Variants in RESF1 observed in about 807,000 individuals in gnomAD.
The protein encoded by RESF1 is gonad expressed transcript.
Under a neutral mutation model 134.7 loss-of-function variants are expected in RESF1, and 65 were observed. The observed-to-expected ratio is 0.48, with a 90% confidence interval of 0.40 to 0.59. The LOEUF (loss-of-function observed/expected upper bound fraction) is 0.59, where lower values mean the gene tolerates loss of function less well. Among genes scored for constraint, RESF1 ranks in the 20% least tolerant of loss-of-function variants. The probability of loss-of-function intolerance (pLI) is 0.00; values close to 1 mark genes in which losing one functional copy is unlikely to be tolerated. For synonymous variants in RESF1, 762 were observed against 702.2 expected (o/e 1.09, Z -1.35); for missense variants, 2,274 against 2,002.7 (o/e 1.14, Z -2.59).
chr12:31,974,665 G>A (rs898173733), intron 3 of RESF1, among the ~76,000 whole-genome samples: 1 of 152,078 alleles, frequency 6.6e-6, no homozygotes, highest in Admixed American at 6.6e-5. Flanking sequence ...GAGGGTCAGG[G>A]CTTTCACTTA....
intron 3 of RESF1, among the ~76,000 whole-genome samples, chr12:31,979,883 A>T (rs1271669145): frequency 6.6e-6 from 1 of 151,252 alleles, no homozygotes; most frequent in Non-Finnish European, 1.5e-5. Flanking sequence ...TCCAATCTCC[A>T]GCTCCCCCCA....
chr12:31,978,822 A>C (rs1456565134), intron 3 of RESF1, among the ~76,000 whole-genome samples: 1 of 150,970 alleles, frequency 6.6e-6, no homozygotes, highest in Admixed American at 6.6e-5. Flanking sequence ...CAGCCTCCCA[A>C]AGTGCTGCGA....
At chr12:31,962,969 C>A (rs1363294399) in intron 2 of RESF1, among the ~76,000 whole-genome samples, 1 of 152,050 alleles carries the variant, frequency 6.6e-6, no homozygotes, top group Non-Finnish European at 1.5e-5. Context: ...CGTGGTGGCA[C>A]ATGCCTGAAA....
chr12:31,988,326 A>G (rs1292379176), intron 5 of RESF1, among the ~76,000 whole-genome samples: 2 of 152,212 alleles, frequency 1.3e-5, no homozygotes, highest in Non-Finnish European at 2.9e-5. Context: ...CTGTGGATCC[A>G]AAATATTTGG....
At chr12:31,969,408 G>T (rs902078588) in intron 2 of RESF1, among the ~76,000 whole-genome samples, 1 of 152,196 alleles carries the variant, frequency 6.6e-6, no homozygotes, top group Non-Finnish European at 1.5e-5. Context: ...GGAAGCTGTG[G>T]TGAGAGAATT....
intron 4 of RESF1, among the ~76,000 whole-genome samples, chr12:31,986,545 A>G (rs893907182): frequency 1.3e-5 from 2 of 152,236 alleles, no homozygotes; most frequent in African/African-American, 2.4e-5. Flanking sequence ...AGTATTGTCC[A>G]GTGTTATAAT....
At chr12:31,969,555 C>T (rs926835740) in intron 2 of RESF1, among the ~76,000 whole-genome samples, 1 of 152,150 alleles carries the variant, frequency 6.6e-6, no homozygotes, top group Admixed American at 6.5e-5. Context: ...CTTCCATATT[C>T]TATTTCTTGC....
chr12:31,978,473 T>G (rs1470028811), intron 3 of RESF1, among the ~76,000 whole-genome samples: 1 of 152,164 alleles, frequency 6.6e-6, no homozygotes, highest in Non-Finnish European at 1.5e-5. Context: ...TTAATTGTTT[T>G]AGCTACCATT....
rs1297538708 is a variant in RESF1, at chr12:31,982,591, G to C, written c.1636G>C (p.Glu546Gln). ...QAVLNTQLSS[E>Q]NVTKVEQNSP... ...AGTATTGAATACTCAGCTTTCATCAGAAAATGTTACCAAAGTTGAGCAAAA... is the reference window on the plus strand; with the variant it reads ...AGTATTGAATACTCAGCTTTCATCACAAAATGTTACCAAAGTTGAGCAAAA... Residue 546 changes from glutamate (E) to glutamine (Q), a missense_variant, in exon 4 of 6, where the codon GAA becomes CAA. Coordinates refer to ENST00000312561, the MANE Select transcript of RESF1 (RefSeq NM_018169.4). 1 of 1,613,950 alleles carries C rather than the reference G, an allele frequency of 6.2e-7. No individual in the cohort carries two copies. The highest frequency in any genetic ancestry group is 1.7e-5 in the Admixed American group (1 of 60,016).
intron 3 of RESF1, among the ~76,000 whole-genome samples, chr12:31,978,096 G>A (rs1028552400): frequency 8.6e-5 from 13 of 151,986 alleles, no homozygotes; most frequent in African/African-American, 2.4e-4. Context: ...GAGCCACTGC[G>A]CTTGACCTAA....
intron 3 of RESF1, among the ~76,000 whole-genome samples, chr12:31,975,162 T>G (rs1240501353): frequency 6.6e-6 from 1 of 151,924 alleles, no homozygotes; most frequent in Non-Finnish European, 1.5e-5. Flanking sequence ...TAGTCCCAGC[T>G]ACTCGGGAGG....
rs777753265 is a variant in RESF1 at position 31,982,064 on chromosome 12, A to T, written c.1109A>T (p.Glu370Val). Residue 370 changes from glutamate to valine, a missense_variant, in exon 4 of 6, where the codon GAG becomes GTG. By Grantham distance (121) the Glu-to-Val change is moderately radical. Coordinates refer to ENST00000312561, the MANE Select transcript of RESF1 (RefSeq NM_018169.4). Reference sequence around the variant, plus strand: ...CAGACTCTTGCTCAAACTAATGAAGAGAAAATAATGGATTCTTGCAATCCA... The same window carrying T: ...CAGACTCTTGCTCAAACTAATGAAGTGAAAATAATGGATTCTTGCAATCCA... ...GVQTLAQTNE[E>V]KIMDSCNPTS... 6.2e-7 allele frequency: 1 copy of T among 1,614,174 alleles called. No homozygotes were observed. Among genetic ancestry groups the T allele is most frequent in the South Asian group, 1.1e-5 (1 of 91,056 alleles).
chr12:31,985,068 C>T lies in RESF1; in HGVS notation c.4113C>T (p.Phe1371=). The change falls in exon 4 of 6, where the codon TTC becomes TTT. Residue 1371 remains phenylalanine, a synonymous_variant. Coordinates refer to ENST00000312561, the MANE Select transcript of RESF1 (RefSeq NM_018169.4). ...KIKLKLKSVS[F]KQKRKLDQGN... is the part of the protein sequence containing the mutation. ...AATTGAAACTCAAATCAGTTAGCTT[C>T]AAACAAAAACGAAAGTTAGACCAAG... 1.3e-6 allele frequency: 2 copies of T among 1,572,678 alleles called. No individual in the cohort carries two copies. The highest frequency in any genetic ancestry group is 1.7e-6 in the Non-Finnish European group (2 of 1,167,244).
rs1940121297 is a variant in RESF1 at position 31,992,701 on chromosome 12, T to G, written c.*166T>G. Reference sequence around the variant, plus strand: ...TGCTTAATTAAAATGGCTTGAGAACTTTGGGTAGCCATGTGTAAGAAATGG... The same window carrying G: ...TGCTTAATTAAAATGGCTTGAGAACGTTGGGTAGCCATGTGTAAGAAATGG... On this transcript the variant is annotated 3_prime_UTR_variant, in exon 6 of 6. Transcript: ENST00000312561. 1.4e-6 allele frequency: 1 copy of G among 690,686 alleles called. No individual in the cohort carries two copies. Among genetic ancestry groups the G allele is most frequent in the Non-Finnish European group, 2.5e-6 (1 of 403,120 alleles). 42.8% of individuals were successfully genotyped at this position (690,686 alleles called of 1,614,324 possible).
In RESF1 at chr12:31,975,032, T is replaced by TG. The variant is rs1201695162; in HGVS notation, c.-79+4679dup. Among the ~76,000 whole-genome samples, 4 of 151,630 alleles carry TG rather than the reference T, an allele frequency of 2.6e-5. No individual in the cohort carries two copies. The East Asian group carries it at 7.7e-4, about 29-fold the overall frequency. Reference sequence around the variant, plus strand: ...GTTCACGCCTGTAATCCCAGCACTTTGGGAGGCCAAGGCAGGCAGATCATG... The same window carrying TG: ...GTTCACGCCTGTAATCCCAGCACTTTGGGGAGGCCAAGGCAGGCAGATCATG... On this transcript the variant is annotated intron_variant, in intron 3 of 5. Coordinates refer to ENST00000312561, the MANE Select transcript of RESF1 (RefSeq NM_018169.4).
chr12:31,992,573 T>C lies in RESF1; in HGVS notation c.*38T>C, dbSNP rs1201953055. ...GTTTTGTAATTGCCACTGGGAAATT[T>C]CTTTCCTTTTCTGTTCAAAATATTT... is the stretch of plus-strand genomic sequence containing the variant. On this transcript the variant is annotated 3_prime_UTR_variant, in exon 6 of 6. Coordinates refer to ENST00000312561, the MANE Select transcript of RESF1 (RefSeq NM_018169.4). 6.3e-7 allele frequency: 1 copy of C among 1,576,406 alleles called. No individual in the cohort carries two copies. The highest frequency in any genetic ancestry group is 2.2e-5 in the East Asian group (1 of 44,652).
intron 2 of RESF1, among the ~76,000 whole-genome samples, chr12:31,967,810 C>G (rs1159626840): frequency 1.3e-5 from 2 of 152,120 alleles, no homozygotes; most frequent in Non-Finnish European, 2.9e-5. Context: ...GATCAAAATT[C>G]AAAGTACAAT....
chr12:31,983,990 C>G lies in RESF1; in HGVS notation c.3035C>G (p.Ser1012Trp), dbSNP rs200500299. 6.2e-6 allele frequency: 10 copies of G among 1,613,766 alleles called. No individual in the cohort carries two copies. In the South Asian group the frequency reaches 7.7e-5, roughly 12 times the overall value. ...AAAAGCACAGCTAACGATACGTGCT[C>G]GTCAGCTGCTATTCAGGAGGATATT... is the stretch of plus-strand genomic sequence containing the variant. ...TEKSTANDTC[S>W]SAAIQEDIYP... Residue 1012 changes from serine to tryptophan, a missense_variant, in exon 4 of 6, where the codon TCG (serine) becomes TGG (tryptophan). By Grantham distance (177) the Ser-to-Trp change is radical. Coordinates refer to ENST00000312561, the MANE Select transcript of RESF1 (RefSeq NM_018169.4).
At position 31,985,379 on chromosome 12, in the gene RESF1, A is replaced by T. The variant is rs971551715; in HGVS notation, c.4424A>T (p.Asp1475Val). The T allele has an allele frequency of 1.2e-6, 2 of 1,605,728 alleles. No individual in the cohort carries two copies. The highest frequency in any genetic ancestry group is 1.7e-6 in the Non-Finnish European group (2 of 1,178,128). The change falls in exon 4 of 6, where the codon GAT (aspartate) becomes GTT (valine). Residue 1475 changes from aspartate (D) to valine (V), a missense_variant. Asp to Val is a radical substitution (Grantham distance 152). Coordinates refer to ENST00000312561, the MANE Select transcript of RESF1 (RefSeq NM_018169.4). ...ATCTGTGTGAAAAACGTGCCATGTG[A>T]TTCTGAACATATGAGACCAAGTAAA... Reference protein sequence around the residue: ...KKICVKNVPCDSEHMRPSKLA... With the variant: ...KKICVKNVPCVSEHMRPSKLA...
Sources: gnomAD v4.1 joint callset for allele counts (sites outside exome capture counted in the v4.1 genomes callset) on GRCh38, gnomAD v4.1.1 for gene constraint, MANE v1.5 for transcripts, NCBI Gene and HGNC (gene_info 2026-07-23, HGNC 2026-07-21) for gene names.